The following DGKI variants were observed in gnomAD, a reference collection of about 807,000 sequenced individuals.
The protein encoded by DGKI is diacylglycerol kinase iota, also known as DAG kinase iota.
In DGKI, 55 loss-of-function variants were observed where a neutral mutation model predicts 147.5. The observed-to-expected ratio is 0.37, with a 90% CI of 0.30 to 0.47. The LOEUF (loss-of-function observed/expected upper bound fraction) is 0.47. DGKI is among the 20% of genes least tolerant of loss of function. The probability of loss-of-function intolerance (pLI) is 1.00; values close to 1 mark genes in which losing one functional copy is unlikely to be tolerated. For synonymous variants in DGKI, 469 were observed against 477.1 expected (o/e 0.98, Z 0.22); for missense variants, 1,007 against 1,323.8 (o/e 0.76, Z 3.71).
intron 30 of DGKI, among the ~76,000 whole-genome samples, chr7:137,401,256 G>T (rs189937296): frequency 2.3e-3 from 355 of 152,180 alleles, no homozygotes; most frequent in African/African-American, 8.0e-3. Flanking sequence ...GACTAGTCAG[G>T]CACGGTGGTT....
At chr7:137,574,748 T>TATA (rs2128977637) in intron 17 of DGKI, among the ~76,000 whole-genome samples, 1 of 152,310 alleles carries the variant, frequency 6.6e-6, no homozygotes, top group African/African-American at 2.4e-5. Context: ...TGTTCCTTTG[T>TATA]ATAAGCTCAT....
chr7:137,467,529 G>A (rs992863591), intron 24 of DGKI, among the ~76,000 whole-genome samples: 2 of 152,200 alleles, frequency 1.3e-5, no homozygotes, highest in African/African-American at 4.8e-5. Context: ...GAGACCATAT[G>A]TGGTCTTAAA....
chr7:137,542,397 TA>T (rs1237706532), intron 20 of DGKI, among the ~76,000 whole-genome samples: 4 of 152,092 alleles, frequency 2.6e-5, no homozygotes, highest in African/African-American at 9.7e-5. Flanking sequence ...GTAAACAAGC[TA>T]AAACATCCAT....
At chr7:137,526,628 G>A (rs1817155286) in intron 20 of DGKI, among the ~76,000 whole-genome samples, 1 of 152,032 alleles carries the variant, frequency 6.6e-6, no homozygotes, top group South Asian at 2.1e-4. Context: ...TTTACCCTGA[G>A]ATGTTGGAAG....
intron 5 of DGKI, among the ~76,000 whole-genome samples, chr7:137,650,367 G>A (rs960605997): frequency 2.0e-5 from 3 of 152,024 alleles, no homozygotes; most frequent in African/African-American, 7.2e-5. Context: ...AAATTATTAT[G>A]GTATACAAAG....
chr7:137,812,347 T>C (rs1797616356), intron 1 of DGKI, among the ~76,000 whole-genome samples: 1 of 152,256 alleles, frequency 6.6e-6, no homozygotes, highest in South Asian at 2.1e-4. Flanking sequence ...GCTCAATAAA[T>C]GTTGACTATC....
At chr7:137,438,143 C>T (rs57113936) in intron 28 of DGKI, among the ~76,000 whole-genome samples, 2,651 of 152,052 alleles carry the variant, frequency 0.017, 80 homozygotes, top group African/African-American at 0.061. Context: ...AACAGATAAG[C>T]CACAAACTGG....
intron 1 of DGKI, among the ~76,000 whole-genome samples, chr7:137,808,814 A>C (rs1797463674): frequency 6.6e-6 from 1 of 152,220 alleles, no homozygotes. Flanking sequence ...GTCAAAGATC[A>C]TGGTGAGACT....
At chr7:137,773,476 C>CCT (rs1796272790) in intron 1 of DGKI, among the ~76,000 whole-genome samples, 2 of 152,130 alleles carry the variant, frequency 1.3e-5, no homozygotes, top group Non-Finnish European at 2.9e-5. Context: ...TCTGAGGGAC[C>CCT]CTCTTCTCAG....
intron 8 of DGKI, among the ~76,000 whole-genome samples, chr7:137,618,426 C>T (rs892609538): frequency 1.1e-4 from 17 of 149,348 alleles, no homozygotes; most frequent in Admixed American, 2.0e-4. Flanking sequence ...AAATCTCACC[C>T]ATTTTTACAA....
chr7:137,447,324 C>T lies in DGKI; in HGVS notation c.2736-3222G>A, dbSNP rs115941985. Among the ~76,000 whole-genome samples, 423 of 152,010 alleles carry T rather than the reference C, an allele frequency of 2.8e-3. 1 individual carries two copies. The highest frequency in any genetic ancestry group is 9.3e-3 in the African/African-American group (385 of 41,448). On this transcript the variant is annotated intron_variant, in intron 27 of 32. Coordinates refer to ENST00000614521, the MANE Select transcript of DGKI (RefSeq NM_001321708.2). ...AAACACAAAGAACAATTTCAGGGAA[C>T]TCATAATCTAGTGAAAAAGAAAAAT...
chr7:137,579,858 T>C (rs1160934233), intron 15 of DGKI, among the ~76,000 whole-genome samples: 1 of 152,190 alleles, frequency 6.6e-6, no homozygotes, highest in African/African-American at 2.4e-5. Flanking sequence ...TAAATGTACA[T>C]GTTCATACAC....
At chr7:137,606,464 A>C (rs1820189231) in intron 10 of DGKI, among the ~76,000 whole-genome samples, 1 of 152,194 alleles carries the variant, frequency 6.6e-6, no homozygotes, top group Non-Finnish European at 1.5e-5. Context: ...TCTATTTATC[A>C]CAGTAAGCCC....
intron 20 of DGKI, among the ~76,000 whole-genome samples, chr7:137,551,707 C>A (rs1818050645): frequency 6.6e-6 from 1 of 152,138 alleles, no homozygotes; most frequent in Admixed American, 6.5e-5. Context: ...ATTACCTTAC[C>A]TCAAGTCAGT....
At chr7:137,538,052 G>C (rs966800300) in intron 20 of DGKI, among the ~76,000 whole-genome samples, 1 of 152,142 alleles carries the variant, frequency 6.6e-6, no homozygotes, top group Non-Finnish European at 1.5e-5. Flanking sequence ...TAGAACAAAA[G>C]TTTTGATGTG....
intron 1 of DGKI, among the ~76,000 whole-genome samples, chr7:137,700,403 G>A (rs1433639715): frequency 6.6e-6 from 1 of 152,192 alleles, no homozygotes; most frequent in Admixed American, 6.5e-5. Flanking sequence ...GCAGTGAACT[G>A]AAAGTAGTAT....
intron 30 of DGKI, among the ~76,000 whole-genome samples, chr7:137,400,453 C>T (rs561191996): frequency 2.0e-5 from 3 of 152,328 alleles, no homozygotes; most frequent in African/African-American, 7.2e-5. Flanking sequence ...CCACAGTTAT[C>T]CAGGGTCTAA....
intron 1 of DGKI, among the ~76,000 whole-genome samples, chr7:137,716,110 C>T (rs1303149693): frequency 6.6e-6 from 1 of 152,150 alleles, no homozygotes; most frequent in Non-Finnish European, 1.5e-5. Context: ...AGGGAATCAC[C>T]CAATGCTTTT....
intron 27 of DGKI, among the ~76,000 whole-genome samples, chr7:137,459,426 T>C (rs1286872486): frequency 1.3e-5 from 2 of 151,938 alleles, no homozygotes; most frequent in Non-Finnish European, 2.9e-5. Context: ...TAAATCAGAC[T>C]TCTCAGAATT....
Sources: allele counts gnomAD v4.1 joint callset (sites outside exome capture counted in the v4.1 genomes callset), GRCh38; gene constraint gnomAD v4.1.1; transcripts MANE v1.5; gene names NCBI Gene and HGNC (gene_info 2026-07-23, HGNC 2026-07-21).